The following TCN2 variants were observed in gnomAD, a reference collection of about 807,000 sequenced individuals.
TCN2 encodes the protein transcobalamin-2.
TCN2 carries 34 observed loss-of-function variants against 48.6 expected under a neutral mutation model. The ratio of observed to expected loss-of-function variants is 0.70; its 90% confidence interval spans 0.53 to 0.93. TCN2 has a LOEUF of 0.93. TCN2 is among the 40% of genes least tolerant of loss of function. The probability of loss-of-function intolerance (pLI) is 0.00; values close to 1 mark genes in which losing one functional copy is unlikely to be tolerated. For synonymous variants in TCN2, 283 were observed against 212.5 expected (o/e 1.33, Z -2.89); for missense variants, 652 against 526.1 (o/e 1.24, Z -2.34).
chr22:30,615,237 G>C (rs2087594388), intron 4 of TCN2, 64 bp from the exon 5 acceptor site: 3 of 1,581,750 alleles, frequency 1.9e-6, no homozygotes, highest in Non-Finnish European at 2.6e-6. Flanking sequence ...TGACCCTCAA[G>C]CCCCTGCCTG....
At position 30,613,077 on chromosome 22, in the gene TCN2, G is replaced by A. The variant is rs147151380; in HGVS notation, c.427+35G>A. 2.3e-3 allele frequency: 3,695 copies of A among 1,610,764 alleles called. 7 individuals carry two copies. The highest frequency in any genetic ancestry group is 2.6e-3 in the Non-Finnish European group (3,080 of 1,178,402). On this transcript the variant is annotated intron_variant, in intron 3 of 8. Coordinates refer to ENST00000215838, the MANE Select transcript of TCN2 (RefSeq NM_000355.4). ...CACCATCCGCTGGGGGTGGGGAGCAGCTGGGAGGGCTCATCAGATGATATT... is the reference window on the plus strand; with the variant it reads ...CACCATCCGCTGGGGGTGGGGAGCAACTGGGAGGGCTCATCAGATGATATT...
intron 3 of TCN2, 39 bp downstream of exon 3, chr22:30,613,081 G>T: frequency 6.2e-7 from 1 of 1,610,090 alleles, no homozygotes. Context: ...GGAGCAGCTG[G>T]GAGGGCTCAT....
chr22:30,619,231 C>G (rs115369988), intron 7 of TCN2, among the ~76,000 whole-genome samples: 1,715 of 152,278 alleles, frequency 0.011, 41 homozygotes, highest in African/African-American at 0.039. Context: ...TGCGCCACCA[C>G]GCTTGGCAAA....
chr22:30,615,168 C>G (rs1010033753), intron 4 of TCN2, 133 bp from the exon 5 acceptor site: 5 of 905,756 alleles, frequency 5.5e-6, no homozygotes, highest in African/African-American at 5.0e-5. Flanking sequence ...CTTAGCTGAT[C>G]TGACCATGTT....
chr22:30,617,565 ACGGG>A, intron 7 of TCN2, 70 bp downstream of exon 7: 8 of 1,604,696 alleles, frequency 5.0e-6, no homozygotes, highest in Non-Finnish European at 6.8e-6. Flanking sequence ...CACAGAAGAG[ACGGG>A]GAACAGAGGA....
At chr22:30,609,992 C>T (rs1038264377) in intron 1 of TCN2, among the ~76,000 whole-genome samples, 3 of 152,172 alleles carry the variant, frequency 2.0e-5, no homozygotes, top group African/African-American at 7.2e-5. Context: ...AGCCCAGCAG[C>T]AACTGGGAGG....
At chr22:30,613,304 A>G (rs2145540942) in intron 3 of TCN2, among the ~76,000 whole-genome samples, 1 of 151,994 alleles carries the variant, frequency 6.6e-6, no homozygotes, top group South Asian at 2.1e-4. Flanking sequence ...TTTGAGTTGG[A>G]GGTTTGCTCT....
chr22:30,611,448 C>A (rs1449112157), intron 2 of TCN2, among the ~76,000 whole-genome samples: 1 of 152,158 alleles, frequency 6.6e-6, no homozygotes, highest in African/African-American at 2.4e-5. Flanking sequence ...CTGTATGCTC[C>A]CCTCCCATGC....
At chr22:30,619,243 A>G (rs190761841) in intron 7 of TCN2, among the ~76,000 whole-genome samples, 184 of 152,140 alleles carry the variant, frequency 1.2e-3, no homozygotes, top group Non-Finnish European at 1.3e-3. Flanking sequence ...CTTGGCAAAT[A>G]TTTTTTTAAA....
chr22:30,617,844 T>A, intron 7 of TCN2: 1 of 361,974 alleles, frequency 2.8e-6, no homozygotes, highest in South Asian at 2.5e-5. Flanking sequence ...CACATAGAGA[T>A]AGTGGCATGT....
Position 30,623,933 on chromosome 22 carries a change from T to TATATACACACACATATGTATAC in TCN2, c.1222+863_1222+864insTATGTATACATATACACACACA. Among the ~76,000 whole-genome samples the TATATACACACACATATGTATAC allele has an allele frequency of 2.5e-5, 2 of 79,428 alleles. 1 individual carries two copies. The highest frequency in any genetic ancestry group is 4.6e-5 in the Non-Finnish European group (2 of 43,636). 52.1% of individuals were successfully genotyped at this position (79,428 alleles called of 152,430 possible). On this transcript the variant is annotated intron_variant, in intron 8 of 8. Coordinates refer to ENST00000215838, the MANE Select transcript of TCN2 (RefSeq NM_000355.4). ...ATATACACACATATATATGTATACATATATACACACACACATATGTATACA... is the reference window on the plus strand; with the variant it reads ...ATATACACACATATATATGTATACATATATACACACACATATGTATACATATACACACACACATATGTATACA...
intron 4 of TCN2, 145 bp from the exon 5 acceptor site, chr22:30,615,156 C>T: frequency 1.2e-6 from 1 of 811,548 alleles, no homozygotes; most frequent in South Asian, 1.4e-5. Flanking sequence ...TGAGTTGGTG[C>T]CCTTAGCTGA....
rs1370832694 is a variant in TCN2 at position 30,623,849 on chromosome 22, T to TACACATACATAC, written c.1222+774_1222+785dup. 5.9e-5 allele frequency among the ~76,000 whole-genome samples: 2 copies of TACACATACATAC among 34,178 alleles called. 1 individual carries two copies. Among genetic ancestry groups the TACACATACATAC allele is most frequent in the Non-Finnish European group, 1.1e-4 (2 of 18,710 alleles). 22.4% of individuals were successfully genotyped at this position (34,178 alleles called of 152,430 possible). ...ACACACACATATACACACACATACA[T>TACACATACATAC]ACACATACATACACACATATATACA... On this transcript the variant is annotated intron_variant, in intron 8 of 8. Transcript: ENST00000215838.
intron 7 of TCN2, among the ~76,000 whole-genome samples, chr22:30,620,413 C>G (rs1202339121): frequency 2.0e-5 from 3 of 152,268 alleles, no homozygotes; most frequent in Non-Finnish European, 4.4e-5. Context: ...TGCGGAGGTG[C>G]TGGCCTGCAC....
rs1277311927 is a variant in TCN2, at chr22:30,623,811, T to C, written c.1222+728T>C. ...ATACATATATACACACATACACATATATACACACACATACACACACATATA... is the reference window on the plus strand; with the variant it reads ...ATACATATATACACACATACACATACATACACACACATACACACACATATA... On this transcript the variant is annotated intron_variant, in intron 8 of 8. Coordinates refer to ENST00000215838, the MANE Select transcript of TCN2 (RefSeq NM_000355.4). 1.0e-4 allele frequency among the ~76,000 whole-genome samples: 7 copies of C among 68,062 alleles called. 1 individual carries two copies. Among genetic ancestry groups the C allele is most frequent in the African/African-American group, 3.9e-4 (2 of 5,070 alleles). 44.7% of individuals were successfully genotyped at this position (68,062 alleles called of 152,430 possible).
In TCN2 at chr22:30,614,405, C is replaced by G. The variant is rs1330557305; in HGVS notation, c.484C>G (p.Leu162Val). 6.2e-7 allele frequency: 1 copy of G among 1,614,076 alleles called. No individual in the cohort carries two copies. The highest frequency in any genetic ancestry group is 8.5e-7 in the Non-Finnish European group (1 of 1,180,042). ...CTACTACCAGTATGGCCTGGGCATT[C>G]TGGCCCTGTGTCTCCACCAGAAGCG... is the stretch of plus-strand genomic sequence containing the variant. The part of the protein sequence containing the change: ...TSYYQYGLGI[L>V]ALCLHQKRVH... Residue 162 changes from leucine (L) to valine (V), a missense_variant, in exon 4 of 9, where the codon CTG becomes GTG. Coordinates refer to ENST00000215838, the MANE Select transcript of TCN2 (RefSeq NM_000355.4).
intron 8 of TCN2, among the ~76,000 whole-genome samples, chr22:30,625,886 G>C (rs553256681): frequency 2.6e-5 from 4 of 152,068 alleles, no homozygotes; most frequent in South Asian, 2.1e-4. Flanking sequence ...ATACATTTTG[G>C]GGGGACACAG....
At chr22:30,620,923 A>T (rs1452848906) in intron 7 of TCN2, among the ~76,000 whole-genome samples, 1 of 152,198 alleles carries the variant, frequency 6.6e-6, no homozygotes, top group African/African-American at 2.4e-5. Context: ...AGGAATGGGA[A>T]AAGGGCTACT....
Position 30,612,986 on chromosome 22 carries a change from G to C in TCN2, c.371G>C (p.Gly124Ala), listed in dbSNP as rs2087563420. 6.2e-7 allele frequency: 1 copy of C among 1,614,082 alleles called. No individual in the cohort carries two copies. The highest frequency in any genetic ancestry group is 1.3e-5 in the African/African-American group (1 of 74,934). Residue 124 changes from glycine (G) to alanine (A), a missense_variant, in exon 3 of 9, where the codon GGG becomes GCG. By Grantham distance (60) the Gly-to-Ala change is moderately conservative. Coordinates refer to ENST00000215838, the MANE Select transcript of TCN2 (RefSeq NM_000355.4). ...ANCEFVRGHK[G>A]DRLVSQLKWF... ...TGTGAGTTTGTCAGGGGCCACAAGG[G>C]GGACAGGCTGGTCTCACAGCTCAAA...
Sources: gnomAD v4.1 joint callset for allele counts (sites outside exome capture counted in the v4.1 genomes callset) on GRCh38, gnomAD v4.1.1 for gene constraint, MANE v1.5 for transcripts, NCBI Gene and HGNC (gene_info 2026-07-23, HGNC 2026-07-21) for gene names.